Variants in MED13 observed in about 807,000 individuals in gnomAD.
The protein encoded by MED13 is mediator of RNA polymerase II transcription subunit 13.
In MED13, 23 loss-of-function variants were observed where a neutral mutation model predicts 225.2. That is an observed-to-expected ratio of 0.10 (90% confidence interval 0.07 to 0.14). The LOEUF is 0.14. Among genes scored for constraint, MED13 ranks in the 10% least tolerant of loss-of-function variants. The probability of loss-of-function intolerance (pLI) is 1.00; values close to 1 mark genes in which losing one functional copy is unlikely to be tolerated. For missense variants in MED13, 2,197 were observed against 2,594.5 expected (o/e 0.85, Z 3.33); for synonymous variants, 942 against 889.2 (o/e 1.06, Z -1.06).
In MED13 at chr17:62,031,646, G is replaced by A. The variant is rs1567990159; in HGVS notation, c.815-8C>T. On this transcript the variant is annotated splice_polypyrimidine_tract_variant and splice_region_variant and intron_variant, in intron 5 of 29. Coordinates refer to ENST00000397786, the MANE Select transcript of MED13 (RefSeq NM_005121.3). ...AGATCATTCGGACACCAGCTGAAAG[G>A]AAAAAAATGGGACAGGAAAACCAAT... 4.6e-6 allele frequency: 7 copies of A among 1,517,590 alleles called. No individual in the cohort carries two copies. Among genetic ancestry groups the A allele is most frequent in the African/African-American group, 2.8e-5 (2 of 71,346 alleles). 94.0% of individuals were successfully genotyped at this position (1,517,590 alleles called of 1,614,324 possible). A position where few individuals can be genotyped will look rare whatever the true frequency, so the allele number is the denominator to read the frequency against.
intron 8 of MED13, among the ~76,000 whole-genome samples, chr17:62,012,879 G>A (rs550286793): frequency 3.5e-4 from 53 of 151,258 alleles, no homozygotes; most frequent in Middle Eastern, 3.4e-3. Flanking sequence ...GGCAACCTCC[G>A]CCTCCCAGGT....
intron 8 of MED13, among the ~76,000 whole-genome samples, chr17:62,012,681 T>C (rs1411361077): frequency 6.6e-6 from 1 of 152,072 alleles, no homozygotes; most frequent in Non-Finnish European, 1.5e-5. Flanking sequence ...TCAGTATTCA[T>C]TAGGTTTTAC....
intron 29 of MED13, 54 bp downstream of exon 29, chr17:61,946,863 A>G: frequency 2.8e-6 from 4 of 1,446,506 alleles, no homozygotes; most frequent in Non-Finnish European, 3.9e-6. Context: ...AAGAATCAAC[A>G]TTATATTCTT....
chr17:61,985,204 G>T (rs2080237582), intron 12 of MED13, 114 bp from the exon 13 acceptor site: 3 of 812,364 alleles, frequency 3.7e-6, no homozygotes, highest in East Asian at 2.5e-5. Flanking sequence ...GTAGTATTTT[G>T]AATCTGTGAT....
At chr17:62,044,776 C>T (rs1348411559) in intron 3 of MED13, among the ~76,000 whole-genome samples, 1 of 152,214 alleles carries the variant, frequency 6.6e-6, no homozygotes, top group African/African-American at 2.4e-5. Flanking sequence ...ATTCTCCTGC[C>T]TCAGCCTCCC....
At position 61,944,618 on chromosome 17, in the gene MED13, T is replaced by C. The variant is rs1391606045; in HGVS notation, c.*1850A>G. 1 of 152,232 alleles carries C rather than the reference T, an allele frequency of 6.6e-6. No homozygotes were observed. Among genetic ancestry groups the C allele is most frequent in the African/African-American group, 2.4e-5 (1 of 41,448 alleles). 9.4% of individuals were successfully genotyped at this position (152,232 alleles called of 1,614,324 possible). ...ATATACACAATCTGAAGAAGTTATG[T>C]TGTTCATAAGAAAGTGATATTTAAT... On this transcript the variant is annotated 3_prime_UTR_variant, in exon 30 of 30. Transcript: ENST00000397786.
At chr17:61,976,134 A>G (rs892219103) in intron 16 of MED13, among the ~76,000 whole-genome samples, 3 of 152,262 alleles carry the variant, frequency 2.0e-5, no homozygotes, top group Non-Finnish European at 2.9e-5. Context: ...AGCTTTATTC[A>G]TAATAGCCAA....
chr17:61,955,700 C>G lies in MED13; in HGVS notation c.5762G>C (p.Gly1921Ala). The G allele has an allele frequency of 6.2e-7, 1 of 1,602,834 alleles. No homozygotes were observed. The highest frequency in any genetic ancestry group is 8.5e-7 in the Non-Finnish European group (1 of 1,177,188). Residue 1921 changes from glycine (G) to alanine (A), a missense_variant, in exon 25 of 30, where the codon GGC becomes GCC. Physicochemically the swap from Gly to Ala is moderately conservative, Grantham distance 60. This residue lies in a region of MED13 where 216 missense variants were observed against 388.9 expected (regional missense o/e 0.56). Coordinates refer to ENST00000397786, the MANE Select transcript of MED13 (RefSeq NM_005121.3). ...SACLVAMEPQ[G>A]SFVIMPDSVS... ...CTAACCTGGCATAATAACAAAAGAG[C>G]CTTGCGGCTCCATTGCCACCAAGCA... is the stretch of plus-strand genomic sequence containing the variant.
In MED13 at chr17:62,009,820, C is replaced by T. The variant is rs555937057; in HGVS notation, c.1967+730G>A. Among the ~76,000 whole-genome samples the T allele has an allele frequency of 1.3e-4, 20 of 152,198 alleles. No homozygotes were observed. In the East Asian group the frequency reaches 3.9e-3, roughly 29 times the overall value. On this transcript the variant is annotated intron_variant, in intron 9 of 29. Transcript: ENST00000397786. ...AAAAACTGAAAATAACCAACATATCCATCTTTAAGAGTTTAGGTATTTACT... is the reference window on the plus strand; with the variant it reads ...AAAAACTGAAAATAACCAACATATCTATCTTTAAGAGTTTAGGTATTTACT...
Position 61,992,550 on chromosome 17 carries a change from A to G in MED13, c.2253T>C (p.Ser751=). 1.2e-6 allele frequency: 2 copies of G among 1,606,068 alleles called. No individual in the cohort carries two copies. Among genetic ancestry groups the G allele is most frequent in the Non-Finnish European group, 1.7e-6 (2 of 1,173,018 alleles). ...AAATAAAGATTTTACCTTGCTTGAT[A>G]GAGGGACTAAATAATGACATAGCAT... The part of the protein sequence containing the change: ...EEDAMSLFSP[S]IKQDAPRPTS... The change falls in exon 11 of 30, where the codon TCT becomes TCC. Residue 751 remains serine, a synonymous_variant. Transcript: ENST00000397786.
intron 2 of MED13, among the ~76,000 whole-genome samples, chr17:62,062,213 A>T (rs1190413037): frequency 6.6e-6 from 1 of 152,230 alleles, no homozygotes; most frequent in African/African-American, 2.4e-5. Context: ...AGTCTTTGGA[A>T]CCTTATAGCA....
At chr17:62,055,276 G>A (rs940995634) in intron 2 of MED13, among the ~76,000 whole-genome samples, 22 of 151,882 alleles carry the variant, frequency 1.4e-4, no homozygotes, top group African/African-American at 5.3e-4. Context: ...TGTAGTCCCA[G>A]CTACTCAGGA....
chr17:61,969,375 G>A (rs2143393121), intron 17 of MED13, among the ~76,000 whole-genome samples: 1 of 151,756 alleles, frequency 6.6e-6, no homozygotes, highest in East Asian at 1.9e-4. Context: ...ACAAAAAATT[G>A]GCATAAAAAT....
intron 8 of MED13, among the ~76,000 whole-genome samples, chr17:62,021,393 A>C: frequency 7.1e-6 from 1 of 140,982 alleles, no homozygotes; most frequent in Non-Finnish European, 1.5e-5. Context: ...TCCCTCCCGG[A>C]CGGGGCGGCT....
intron 8 of MED13, among the ~76,000 whole-genome samples, chr17:62,015,942 A>ATATATATATT (rs1555639109): frequency 1.0e-4 from 1 of 10,048 alleles, no homozygotes; most frequent in Non-Finnish European, 2.2e-4. Flanking sequence ...ATATATATAT[A>ATATATATATT]TATATATATA....
intron 28 of MED13, among the ~76,000 whole-genome samples, chr17:61,949,716 C>A (rs1402411663): frequency 2.0e-5 from 3 of 151,824 alleles, no homozygotes; most frequent in Non-Finnish European, 4.4e-5. Flanking sequence ...GAGATGGAAT[C>A]TCACTCTGTC....
At chr17:62,035,235 T>C (rs1336835422) in intron 4 of MED13, among the ~76,000 whole-genome samples, 2 of 152,160 alleles carry the variant, frequency 1.3e-5, no homozygotes, top group African/African-American at 2.4e-5. Context: ...AAGAACACTT[T>C]AAACTACTTC....
intron 26 of MED13, 71 bp from the exon 27 acceptor site, chr17:61,953,184 C>T: frequency 1.4e-6 from 2 of 1,458,444 alleles, no homozygotes; most frequent in Non-Finnish European, 1.8e-6. Flanking sequence ...AGGAAAGGGT[C>T]AAAATAAATG....
rs2080212421 is a variant in MED13 at position 61,982,390 on chromosome 17, C to T, written c.3613G>A (p.Ala1205Thr). Residue 1205 changes from alanine to threonine, a missense_variant, in exon 16 of 30, where the codon GCA (alanine) becomes ACA (threonine). By Grantham distance (58) the Ala-to-Thr change is moderately conservative. Around this residue, in one of 12 missense-constraint regions of MED13, gnomAD observed 203 missense variants for 209.7 expected, o/e 0.97. Coordinates refer to ENST00000397786, the MANE Select transcript of MED13 (RefSeq NM_005121.3). ...QCTNLFSPFGAADQDPFPKSG... is the reference protein window; with the variant it reads ...QCTNLFSPFGTADQDPFPKSG... ...TTAGGAAAAGGATCTTGGTCTGCTG[C>T]TCCAAAGGGTGAAAATAAATTAGTG... The T allele has an allele frequency of 6.2e-7, 1 of 1,614,226 alleles. No homozygotes were observed. Among genetic ancestry groups the T allele is most frequent in the Non-Finnish European group, 8.5e-7 (1 of 1,180,034 alleles).
Sources: gnomAD v4.1 joint callset for allele counts (sites outside exome capture counted in the v4.1 genomes callset) on GRCh38, gnomAD v4.1.1 for gene constraint, gnomAD v4.1.1 regional missense constraint, MANE v1.5 for transcripts, NCBI Gene and HGNC (gene_info 2026-07-23, HGNC 2026-07-21) for gene names.